Variants in CSMD1 observed in about 807,000 individuals in gnomAD.
The protein encoded by CSMD1 is CUB and sushi domain-containing protein 1.
A neutral mutation model predicts 417.5 loss-of-function variants in CSMD1; 213 were observed. The ratio of observed to expected loss-of-function variants is 0.51; its 90% CI spans 0.46 to 0.57. CSMD1 has a LOEUF of 0.57. Ranked by LOEUF, CSMD1 falls within the 20% of genes least tolerant of loss-of-function variation. The pLI is 0.00. For missense variants in CSMD1, 6,923 were observed against 4,529.7 expected (o/e 1.53, Z -15.17); for synonymous variants, 2,862 against 1,736.8 (o/e 1.65, Z -16.11).
chr8:3,819,094 GA>G (rs1376472673), intron 5 of CSMD1, among the ~76,000 whole-genome samples: 6 of 152,188 alleles, frequency 3.9e-5, no homozygotes, highest in Admixed American at 2.6e-4. Context: ...GCAGAGTAGA[GA>G]GAAAAGTGTA....
intron 50 of CSMD1, among the ~76,000 whole-genome samples, chr8:3,044,361 G>T (rs1195558222): frequency 1.4e-5 from 2 of 147,834 alleles, no homozygotes; most frequent in East Asian, 3.9e-4. Context: ...TGTATACGTT[G>T]TTCTTTACTT....
chr8:4,768,629 AG>A (rs1453076955), intron 1 of CSMD1, among the ~76,000 whole-genome samples: 2 of 152,084 alleles, frequency 1.3e-5, no homozygotes, highest in Admixed American at 1.3e-4. Context: ...TCTGCGTGGA[AG>A]GGGTGATACC....
intron 1 of CSMD1, among the ~76,000 whole-genome samples, chr8:4,666,227 T>A (rs1454052791): frequency 6.6e-6 from 1 of 152,148 alleles, no homozygotes; most frequent in Non-Finnish European, 1.5e-5. Flanking sequence ...TATTATTTAA[T>A]GTGGTGGAGG....
intron 5 of CSMD1, among the ~76,000 whole-genome samples, chr8:3,914,868 GT>G (rs1457179267): frequency 6.6e-6 from 1 of 152,056 alleles, no homozygotes; most frequent in Non-Finnish European, 1.5e-5. Context: ...ACATCATACA[GT>G]TTTCAGTTTT....
At position 4,371,133 on chromosome 8, in the gene CSMD1, C is replaced by G. The variant is rs529036097; in HGVS notation, c.415+48820G>C. On this transcript the variant is annotated intron_variant, in intron 3 of 69. Coordinates refer to ENST00000635120, the MANE Select transcript of CSMD1 (RefSeq NM_033225.6). ...GTCTTTATTGCCCTTGAGAGTTTCA[C>G]AGTAGAACAAGTTGGGTATAGCTGA... Among the ~76,000 whole-genome samples, 3 of 152,244 alleles carry G rather than the reference C, an allele frequency of 2.0e-5. No homozygotes were observed. In the South Asian group the frequency reaches 6.2e-4, roughly 32 times the overall value.
chr8:4,326,857 T>C (rs777410928), intron 3 of CSMD1, among the ~76,000 whole-genome samples: 2 of 152,074 alleles, frequency 1.3e-5, no homozygotes, highest in Non-Finnish European at 2.9e-5. Context: ...AGGTGAAGCT[T>C]TGGGAAAGAT....
At chr8:3,326,142 G>C (rs916162262) in intron 23 of CSMD1, among the ~76,000 whole-genome samples, 12 of 152,182 alleles carry the variant, frequency 7.9e-5, no homozygotes, top group African/African-American at 2.7e-4. Flanking sequence ...AATGGTTTCA[G>C]TGGGACGTTC....
At chr8:4,656,557 A>C (rs983898328) in intron 1 of CSMD1, among the ~76,000 whole-genome samples, 2 of 151,850 alleles carry the variant, frequency 1.3e-5, no homozygotes, top group Admixed American at 1.3e-4. Context: ...TGCCATATTC[A>C]ACTTGCAAAT....
At chr8:4,784,290 A>G (rs1457183) in intron 1 of CSMD1, among the ~76,000 whole-genome samples, 13,268 of 152,290 alleles carry the variant, frequency 0.087, 729 homozygotes, top group East Asian at 0.28. Context: ...TTCTATAACT[A>G]AAGATTTGGC....
chr8:3,848,430 T>C (rs980925563), intron 5 of CSMD1, among the ~76,000 whole-genome samples: 1 of 152,232 alleles, frequency 6.6e-6, no homozygotes, highest in Non-Finnish European at 1.5e-5. Context: ...AATTAGGAGT[T>C]ATTTCAACTA....
At chr8:4,631,404 T>G (rs1247201286) in intron 2 of CSMD1, among the ~76,000 whole-genome samples, 2 of 151,670 alleles carry the variant, frequency 1.3e-5, no homozygotes, top group African/African-American at 2.4e-5. Flanking sequence ...GTTTGTTTTT[T>G]TTTTTTTTTA....
At chr8:4,458,669 C>T (rs962776545) in intron 2 of CSMD1, among the ~76,000 whole-genome samples, 1 of 152,122 alleles carries the variant, frequency 6.6e-6, no homozygotes, top group Non-Finnish European at 1.5e-5. Context: ...AGGTCCTTGT[C>T]TGAAACTAAC....
At chr8:4,473,512 G>C (rs1467940728) in intron 2 of CSMD1, among the ~76,000 whole-genome samples, 1 of 152,130 alleles carries the variant, frequency 6.6e-6, no homozygotes, top group Non-Finnish European at 1.5e-5. Flanking sequence ...CTCCCCTCTT[G>C]CACCTGCTTT....
intron 2 of CSMD1, among the ~76,000 whole-genome samples, chr8:4,529,037 C>A (rs573952737): frequency 4.2e-4 from 64 of 151,996 alleles, no homozygotes; most frequent in Non-Finnish European, 8.5e-4. Flanking sequence ...ATATGTGAGA[C>A]GGTGTTTTTT....
intron 3 of CSMD1, among the ~76,000 whole-genome samples, chr8:4,264,820 T>A (rs114911048): frequency 5.8e-4 from 88 of 152,254 alleles, no homozygotes; most frequent in African/African-American, 2.0e-3. Flanking sequence ...TTGTGCCTCA[T>A]CAATAAACTA....
chr8:3,851,154 G>T (rs941557582), intron 5 of CSMD1, among the ~76,000 whole-genome samples: 26 of 152,158 alleles, frequency 1.7e-4, no homozygotes, highest in Admixed American at 4.6e-4. Context: ...GAGCTAATTT[G>T]TGACAGGATA....
chr8:3,044,262 G>C (rs1168289104), intron 50 of CSMD1, among the ~76,000 whole-genome samples: 2 of 152,172 alleles, frequency 1.3e-5, no homozygotes, highest in Non-Finnish European at 2.9e-5. Context: ...CAAATGTTGG[G>C]TAAAGCATTT....
intron 52 of CSMD1, among the ~76,000 whole-genome samples, chr8:3,015,247 G>A (rs149117142): frequency 2.6e-5 from 4 of 152,116 alleles, no homozygotes; most frequent in East Asian, 1.9e-4. Flanking sequence ...TTGTCCCTCC[G>A]GACACTCTCT....
intron 1 of CSMD1, among the ~76,000 whole-genome samples, chr8:4,974,835 A>T (rs1810454345): frequency 6.6e-6 from 1 of 152,154 alleles, no homozygotes; most frequent in Admixed American, 6.6e-5. Context: ...CCCAATGATG[A>T]TGTATGTTAT....
Sources: allele counts gnomAD v4.1 joint callset (sites outside exome capture counted in the v4.1 genomes callset), GRCh38; gene constraint gnomAD v4.1.1; transcripts MANE v1.5; gene names NCBI Gene and HGNC (gene_info 2026-07-23, HGNC 2026-07-21).